Variants in TSKS observed in about 807,000 individuals in gnomAD.
TSKS encodes testis-specific serine kinase substrate.
A neutral mutation model predicts 68.0 loss-of-function variants in TSKS; 27 were observed. The ratio of observed to expected loss-of-function variants is 0.40; its 90% confidence interval spans 0.29 to 0.55. The LOEUF (loss-of-function observed/expected upper bound fraction) is 0.55, where lower values mean the gene tolerates loss of function less well. TSKS is among the 20% of genes least tolerant of loss of function. TSKS has a pLI of 0.53. For missense variants in TSKS, 806 were observed against 776.0 expected (o/e 1.04, Z -0.46); for synonymous variants, 331 against 340.4 (o/e 0.97, Z 0.30).
Position 49,746,603 on chromosome 19 carries a change from C to T in TSKS, c.859G>A (p.Gly287Arg). 6.2e-7 allele frequency: 1 copy of T among 1,611,780 alleles called. No individual in the cohort carries two copies. Residue 287 changes from glycine to arginine, a missense_variant, in exon 6 of 11, where the codon GGG becomes AGG. Transcript: ENST00000246801. ...GGCCGCGAGGGTTTGTCGGGACTCC[C>T]TGGCGGGCCGGGGCAGCCCTGGGAC... ...ATSQGCPGPP[G>R]SPDKPSRPHG... is the part of the protein sequence containing the mutation.
intron 1 of TSKS, among the ~76,000 whole-genome samples, chr19:49,762,632 T>C (rs183407363): frequency 8.5e-5 from 13 of 152,248 alleles, no homozygotes; most frequent in African/African-American, 3.1e-4. Flanking sequence ...TTTCACCATG[T>C]TGGCCAAGCT....
At chr19:49,759,583 C>T (rs1353775517) in intron 2 of TSKS, among the ~76,000 whole-genome samples, 1 of 148,824 alleles carries the variant, frequency 6.7e-6, no homozygotes, top group African/African-American at 2.5e-5. Context: ...CTACAGTGAG[C>T]CAAGATTGTG....
At chr19:49,754,505 A>T (rs1396251967) in intron 2 of TSKS, among the ~76,000 whole-genome samples, 1 of 151,988 alleles carries the variant, frequency 6.6e-6, no homozygotes, top group African/African-American at 2.4e-5. Context: ...TCTCAAAAAA[A>T]ATAAAAAATA....
At chr19:49,754,474 G>A (rs571169426) in intron 2 of TSKS, among the ~76,000 whole-genome samples, 5 of 151,634 alleles carry the variant, frequency 3.3e-5, no homozygotes, top group East Asian at 2.0e-4. Flanking sequence ...ACTCAAGCCC[G>A]GGTGATAGAG....
chr19:49,750,120 A>G (rs1316672248), intron 2 of TSKS, among the ~76,000 whole-genome samples: 1 of 152,118 alleles, frequency 6.6e-6, no homozygotes, highest in African/African-American at 2.4e-5. Context: ...TGAATCCTTG[A>G]CATGGAGCCA....
In TSKS at chr19:49,762,121, G is replaced by A. The variant is rs1052909913; in HGVS notation, c.282C>T (p.Asp94=). The A allele has an allele frequency of 1.9e-6, 3 of 1,614,080 alleles. No individual in the cohort carries two copies. Among genetic ancestry groups the A allele is most frequent in the African/African-American group, 1.3e-5 (1 of 74,930 alleles). ...CCACTGTGGAGTCTGTCCCCGTGGAGTCAGTGGGCTCCATGGCGGCCAGGT... is the reference window on the plus strand; with the variant it reads ...CCACTGTGGAGTCTGTCCCCGTGGAATCAGTGGGCTCCATGGCGGCCAGGT... The part of the protein sequence containing the change: ...LLNLAAMEPT[D]STGTDSTVED... The change falls in exon 2 of 11, where the codon GAC becomes GAT. Residue 94 remains aspartate (D), a synonymous_variant. Coordinates refer to ENST00000246801, the MANE Select transcript of TSKS (RefSeq NM_021733.2).
At chr19:49,749,760 G>C (rs1360772340) in intron 2 of TSKS, among the ~76,000 whole-genome samples, 1 of 152,006 alleles carries the variant, frequency 6.6e-6, no homozygotes, top group African/African-American at 2.4e-5. Flanking sequence ...ATAGGTGCTT[G>C]CTACCATGCC....
intron 2 of TSKS, among the ~76,000 whole-genome samples, chr19:49,753,811 A>G (rs1349974477): frequency 6.6e-6 from 1 of 151,406 alleles, no homozygotes; most frequent in Non-Finnish European, 1.5e-5. Context: ...TATAACAAGC[A>G]ATAATAACAA....
In TSKS at chr19:49,742,022, TG is replaced by T; in HGVS notation, c.1362-3del. The T allele has an allele frequency of 6.2e-7, 1 of 1,613,708 alleles. No individual in the cohort carries two copies. The highest frequency in any genetic ancestry group is 8.5e-7 in the Non-Finnish European group (1 of 1,179,962). On this transcript the variant is annotated splice_region_variant and splice_polypyrimidine_tract_variant and intron_variant, in intron 8 of 10. Coordinates refer to ENST00000246801, the MANE Select transcript of TSKS (RefSeq NM_021733.2). ...TCCGTAGACAACTGCGACCCCTGGC[TG>T]GGGGAGGGGCGGTCACCAGATAAAG...
At chr19:49,741,807 C>A (rs945636562) in intron 9 of TSKS, 78 bp downstream of exon 9, 5 of 1,597,268 alleles carry the variant, frequency 3.1e-6, no homozygotes, top group African/African-American at 2.7e-5. Context: ...ACCAGCAGTA[C>A]CCTTGAGTCC....
At chr19:49,743,314 G>A (rs920382492) in intron 8 of TSKS, among the ~76,000 whole-genome samples, 2 of 151,618 alleles carry the variant, frequency 1.3e-5, no homozygotes, top group African/African-American at 4.8e-5. Context: ...CCCGACCTCA[G>A]TGATCTGCCC....
intron 2 of TSKS, among the ~76,000 whole-genome samples, chr19:49,760,914 C>A (rs1358294127): frequency 3.9e-5 from 6 of 152,018 alleles, no homozygotes. Context: ...CATGGAGAAA[C>A]CCTGTTTCTA....
rs562399878 is a variant in TSKS at position 49,762,115 on chromosome 19, C to T, written c.288G>A (p.Thr96=). The T allele has an allele frequency of 2.5e-5, 41 of 1,614,098 alleles. No homozygotes were observed. The highest frequency in any genetic ancestry group is 2.5e-4 in the South Asian group (23 of 91,076). ...GGTCTTCCACTGTGGAGTCTGTCCCCGTGGAGTCAGTGGGCTCCATGGCGG... is the reference window on the plus strand; with the variant it reads ...GGTCTTCCACTGTGGAGTCTGTCCCTGTGGAGTCAGTGGGCTCCATGGCGG... ...NLAAMEPTDS[T]GTDSTVEDLS... is the part of the protein sequence containing the mutation. The change falls in exon 2 of 11, where the codon ACG becomes ACA. Residue 96 remains threonine (T), a synonymous_variant. Coordinates refer to ENST00000246801, the MANE Select transcript of TSKS (RefSeq NM_021733.2).
At position 49,746,655 on chromosome 19, in the gene TSKS, G is replaced by A; in HGVS notation, c.807C>T (p.Ser269=). ...EEKQKPEAGL[S]WNSLGPAATS... ...TGGCGGCGGGGCCCAGGCTGTTCCAGGAGAGGCCAGCCTCCGGCTTCTGCT... is the reference window on the plus strand; with the variant it reads ...TGGCGGCGGGGCCCAGGCTGTTCCAAGAGAGGCCAGCCTCCGGCTTCTGCT... Residue 269 remains serine (S), a synonymous_variant, in exon 6 of 11, where the codon TCC becomes TCT. Transcript: ENST00000246801. The A allele has an allele frequency of 6.2e-7, 1 of 1,607,278 alleles. No individual in the cohort carries two copies.
intron 2 of TSKS, among the ~76,000 whole-genome samples, chr19:49,757,771 C>T (rs2084404073): frequency 1.3e-5 from 2 of 151,730 alleles, no homozygotes; most frequent in Admixed American, 6.6e-5. Context: ...GGGTCTCTAT[C>T]CCCCTCCTCT....
intron 3 of TSKS, 67 bp downstream of exon 3, chr19:49,748,307 G>A: frequency 6.4e-7 from 1 of 1,571,256 alleles, no homozygotes; most frequent in Non-Finnish European, 8.7e-7. Context: ...TCTGCTGGAG[G>A]CAGGCTCCAA....
intron 2 of TSKS, among the ~76,000 whole-genome samples, chr19:49,759,606 T>C (rs1276861251): frequency 6.8e-6 from 1 of 146,626 alleles, no homozygotes; most frequent in South Asian, 2.1e-4. Context: ...TGGACTGTCA[T>C]GCTGTCACTC....
chr19:49,740,917 G>A (rs1183841242), intron 9 of TSKS, among the ~76,000 whole-genome samples: 3 of 150,348 alleles, frequency 2.0e-5, no homozygotes, highest in South Asian at 2.1e-4. Flanking sequence ...AGTGGCTCAC[G>A]CCTGTAATCC....
intron 6 of TSKS, 80 bp from the exon 7 acceptor site, chr19:49,745,476 G>GTCCT: frequency 1.2e-5 from 15 of 1,219,026 alleles, no homozygotes; most frequent in South Asian, 1.6e-5. Flanking sequence ...AGGTGGGACA[G>GTCCT]GACTCACCTA....
Sources: allele counts gnomAD v4.1 joint callset (sites outside exome capture counted in the v4.1 genomes callset), GRCh38; gene constraint gnomAD v4.1.1; transcripts MANE v1.5; gene names NCBI Gene and HGNC (gene_info 2026-07-23, HGNC 2026-07-21).